CRTAC1: variants seen among roughly 807,000 people sequenced by gnomAD.
The protein encoded by CRTAC1 is acidic secreted protein in cartilage.
Under a neutral mutation model 67.8 loss-of-function variants are expected in CRTAC1, and 37 were observed. The observed-to-expected ratio is 0.55, with a 90% CI of 0.42 to 0.72. The LOEUF (loss-of-function observed/expected upper bound fraction) is 0.72. CRTAC1 is among the 30% of genes least tolerant of loss of function. The pLI, the probability that CRTAC1 is intolerant of heterozygous loss-of-function variation, is 0.00. For synonymous variants in CRTAC1, 348 were observed against 371.0 expected, an observed-to-expected ratio of 0.94 and a Z score of 0.71; for missense variants, 780 against 931.6, an observed-to-expected ratio of 0.84 and a Z score of 2.12.
chr10:97,900,139 C>T (rs1456417523), intron 8 of CRTAC1, among the ~76,000 whole-genome samples: 2 of 152,198 alleles, frequency 1.3e-5, no homozygotes, highest in African/African-American at 4.8e-5. Flanking sequence ...CTCTGGACGT[C>T]CCCTTGGAGA....
At chr10:97,893,688 T>C (rs549532065) in intron 11 of CRTAC1, among the ~76,000 whole-genome samples, 6 of 152,322 alleles carry the variant, frequency 3.9e-5, no homozygotes, top group Admixed American at 3.9e-4. Flanking sequence ...GGATCTGCCA[T>C]GGCATGAGGC....
intron 2 of CRTAC1, among the ~76,000 whole-genome samples, chr10:98,009,862 A>T (rs1043333447): frequency 6.6e-6 from 1 of 152,128 alleles, no homozygotes; most frequent in Non-Finnish European, 1.5e-5. Context: ...CGACTTATCT[A>T]CTTACTATTT....
chr10:98,001,809 C>T (rs1023753362), intron 2 of CRTAC1, among the ~76,000 whole-genome samples: 2 of 152,194 alleles, frequency 1.3e-5, no homozygotes, highest in African/African-American at 4.8e-5. Flanking sequence ...TCAAAAGTTT[C>T]CTTAGAGGGA....
chr10:97,896,995 CAGGAG>C lies in CRTAC1; in HGVS notation c.1134-9_1134-5del, dbSNP rs1564883620. The C allele has an allele frequency of 3.9e-6, 6 of 1,553,752 alleles. No individual in the cohort carries two copies. Among genetic ancestry groups the C allele is most frequent in the Non-Finnish European group, 5.2e-6 (6 of 1,147,598 alleles). On this transcript the variant is annotated splice_polypyrimidine_tract_variant and splice_region_variant and intron_variant, in intron 8 of 14. Coordinates refer to ENST00000370597, the MANE Select transcript of CRTAC1 (RefSeq NM_018058.7). ...TCCGTGCTCTCTACGGATGACGCTG[CAGGAG>C]AGGAGACAGGCTTGCTCTGGTGGGG...
At chr10:97,966,341 C>A (rs2051615908) in intron 2 of CRTAC1, among the ~76,000 whole-genome samples, 1 of 152,250 alleles carries the variant, frequency 6.6e-6, no homozygotes, top group African/African-American at 2.4e-5. Flanking sequence ...AACACCTGGC[C>A]TCAAGTGGTC....
At chr10:97,901,743 C>G in intron 7 of CRTAC1, 104 bp from the exon 8 acceptor site, 2 of 1,426,212 alleles carry the variant, frequency 1.4e-6, no homozygotes, top group Non-Finnish European at 1.9e-6. Context: ...AGAGACAGTC[C>G]AACCCAAAAG....
At chr10:97,918,231 G>C (rs2050787195) in intron 4 of CRTAC1, among the ~76,000 whole-genome samples, 2 of 152,072 alleles carry the variant, frequency 1.3e-5, no homozygotes, top group Admixed American at 1.3e-4. Flanking sequence ...TATTTCCCCT[G>C]TATTACCAGG....
chr10:98,019,928 G>C (rs1279238243), intron 1 of CRTAC1, among the ~76,000 whole-genome samples: 1 of 152,132 alleles, frequency 6.6e-6, no homozygotes, highest in African/African-American at 2.4e-5. Context: ...CTATTCGCTG[G>C]GCCCCTTCAA....
At chr10:97,972,122 C>T (rs2051724936) in intron 2 of CRTAC1, among the ~76,000 whole-genome samples, 1 of 152,126 alleles carries the variant, frequency 6.6e-6, no homozygotes, top group South Asian at 2.1e-4. Flanking sequence ...CCAGAGAAAA[C>T]CCAGCCTGGG....
chr10:97,868,002 T>C (rs2050048540), intron 14 of CRTAC1: 1 of 152,248 alleles, frequency 6.6e-6, no homozygotes, highest in Admixed American at 6.5e-5. Flanking sequence ...CAATTAATGA[T>C]ATCAATAAAT....
chr10:97,904,825 G>C lies in CRTAC1; in HGVS notation c.851-11C>G. ...GGGGGTCGTCCACACCTGGGGAGGA[G>C]AGGCAGGAACTCTCAGGGCGGCATC... On this transcript the variant is annotated splice_polypyrimidine_tract_variant and intron_variant, in intron 6 of 14. Transcript: ENST00000370597. 1 of 1,589,798 alleles carries C rather than the reference G, an allele frequency of 6.3e-7. No individual in the cohort carries two copies. The highest frequency in any genetic ancestry group is 2.3e-5 in the East Asian group (1 of 43,438).
chr10:97,948,843 G>T (rs1259630942), intron 2 of CRTAC1, among the ~76,000 whole-genome samples: 1 of 152,220 alleles, frequency 6.6e-6, no homozygotes, highest in Non-Finnish European at 1.5e-5. Context: ...ATGGAGGAAG[G>T]GGAAGCAAAC....
At chr10:97,904,332 C>T (rs1278130939) in intron 7 of CRTAC1, among the ~76,000 whole-genome samples, 2 of 152,162 alleles carry the variant, frequency 1.3e-5, no homozygotes, top group Non-Finnish European at 2.9e-5. Context: ...GTGGGAGGAG[C>T]GAGGCAGCTC....
rs536119597 is a variant in CRTAC1, at chr10:97,875,917, T to C, written c.1819+4332A>G. On this transcript the variant is annotated intron_variant, in intron 14 of 14. Transcript: ENST00000370597. ...GTAGGGTTGGCAACCGTGTAGATGC[T>C]TGAAGAGGCCTAGTGGATGGTTTAC... 2.0e-5 allele frequency: 3 copies of C among 151,726 alleles called. No individual in the cohort carries two copies. In the South Asian group the frequency reaches 6.3e-4, roughly 32 times the overall value. The allele number at this position is 151,726 out of a possible 1,614,324, so 9.4% of individuals were successfully genotyped here. A position where few individuals can be genotyped will look rare whatever the true frequency, so the allele number is the denominator to read the frequency against.
At chr10:97,872,645 G>T (rs975506946) in intron 14 of CRTAC1, among the ~76,000 whole-genome samples, 23 of 152,324 alleles carry the variant, frequency 1.5e-4, no homozygotes, top group African/African-American at 5.5e-4. Flanking sequence ...CTGGATAAGT[G>T]GATGGATACA....
At chr10:97,945,337 T>G (rs1167142519) in intron 2 of CRTAC1, among the ~76,000 whole-genome samples, 1 of 151,890 alleles carries the variant, frequency 6.6e-6, no homozygotes, top group Non-Finnish European at 1.5e-5. Flanking sequence ...CCTCTTTCTC[T>G]TTCTTCTTTC....
intron 2 of CRTAC1, among the ~76,000 whole-genome samples, chr10:97,974,826 A>AT (rs2051771982): frequency 6.6e-6 from 1 of 152,188 alleles, no homozygotes. Flanking sequence ...TCTTCTTGAT[A>AT]TATTTAGTAA....
chr10:97,934,046 C>A (rs1188740607), intron 3 of CRTAC1, among the ~76,000 whole-genome samples: 1 of 152,156 alleles, frequency 6.6e-6, no homozygotes. Flanking sequence ...GAGATAGATA[C>A]CTGGTGGCTG....
intron 13 of CRTAC1, among the ~76,000 whole-genome samples, chr10:97,881,312 G>A (rs1218018333): frequency 6.6e-6 from 1 of 152,080 alleles, no homozygotes; most frequent in Non-Finnish European, 1.5e-5. Flanking sequence ...TTTCACTCCT[G>A]CCCTTCCCTC....
Sources: allele counts gnomAD v4.1 joint callset (sites outside exome capture counted in the v4.1 genomes callset), GRCh38; gene constraint gnomAD v4.1.1; transcripts MANE v1.5; gene names NCBI Gene and HGNC (gene_info 2026-07-23, HGNC 2026-07-21).